UBXN2A: variants seen among roughly 807,000 people sequenced by gnomAD.
UBXN2A encodes the protein UBX domain protein 2A.
UBXN2A carries 28 observed loss-of-function variants against 28.4 expected under a neutral mutation model. The observed-to-expected ratio is 0.99, with a 90% confidence interval of 0.73 to 1.35. UBXN2A has a LOEUF of 1.35. UBXN2A is among the 40% of genes most tolerant of loss of function. The pLI is 0.00. For missense variants in UBXN2A, 253 were observed against 297.9 expected (o/e 0.85, Z 1.11); for synonymous variants, 97 against 103.6 (o/e 0.94, Z 0.39).
chr2:23,951,967 CT>C (rs901333812), intron 1 of UBXN2A, among the ~76,000 whole-genome samples: 1,836 of 132,300 alleles, frequency 0.014, 15 homozygotes, highest in African/African-American at 0.043. Flanking sequence ...AGTTTTTTTC[CT>C]TTTTTTTTTT....
intron 1 of UBXN2A, among the ~76,000 whole-genome samples, chr2:23,948,642 A>G (rs1208490985): frequency 2.0e-5 from 3 of 152,176 alleles, no homozygotes; most frequent in Non-Finnish European, 4.4e-5. Flanking sequence ...AGTCCTCAGA[A>G]CAACCTGAGG....
chr2:23,986,478 T>C (rs72781644), intron 6 of UBXN2A, among the ~76,000 whole-genome samples: 28,473 of 152,062 alleles, frequency 0.19, 2,775 homozygotes, highest in Middle Eastern at 0.26. Flanking sequence ...CATATCCTTC[T>C]GTCAATTATA....
chr2:23,941,319 C>T (rs1705746787), intron 1 of UBXN2A, among the ~76,000 whole-genome samples: 1 of 152,194 alleles, frequency 6.6e-6, no homozygotes, highest in Non-Finnish European at 1.5e-5. Context: ...TGGCCGGTTG[C>T]AGTTTGTTTT....
chr2:23,948,819 G>A (rs76636427), intron 1 of UBXN2A, among the ~76,000 whole-genome samples: 4,383 of 152,158 alleles, frequency 0.029, 90 homozygotes, highest in South Asian at 0.074. Context: ...CATAAAACAA[G>A]TAAAAGCAAT....
intron 6 of UBXN2A, among the ~76,000 whole-genome samples, chr2:23,994,526 C>A (rs1237001391): frequency 6.6e-5 from 10 of 152,082 alleles, no homozygotes; most frequent in Non-Finnish European, 1.0e-4. Context: ...TTCTATTTGA[C>A]CTGTCTTCGA....
At chr2:23,970,899 G>A (rs1366995466) in intron 2 of UBXN2A, among the ~76,000 whole-genome samples, 1 of 152,106 alleles carries the variant, frequency 6.6e-6, no homozygotes, top group Non-Finnish European at 1.5e-5. Context: ...AGCTCAGGTG[G>A]TAATGTGAGC....
chr2:23,984,021 G>A (rs1292873852), intron 5 of UBXN2A, among the ~76,000 whole-genome samples: 6 of 152,154 alleles, frequency 3.9e-5, no homozygotes, highest in Admixed American at 3.9e-4. Flanking sequence ...ATTTTGTTCT[G>A]TGATCTATGT....
At chr2:23,994,286 CTT>C (rs893210570) in intron 6 of UBXN2A, among the ~76,000 whole-genome samples, 2 of 152,066 alleles carry the variant, frequency 1.3e-5, no homozygotes, top group Non-Finnish European at 2.9e-5. Flanking sequence ...TGTTAGTTAT[CTT>C]TGCATTATAT....
chr2:23,951,453 T>G (rs1016737629), intron 1 of UBXN2A, among the ~76,000 whole-genome samples: 4 of 133,108 alleles, frequency 3.0e-5, no homozygotes, highest in African/African-American at 1.1e-4. Flanking sequence ...TATATATATA[T>G]ATATATATAT....
chr2:23,970,145 A>C (rs1285367098), intron 2 of UBXN2A, among the ~76,000 whole-genome samples: 1 of 151,880 alleles, frequency 6.6e-6, no homozygotes, highest in African/African-American at 2.4e-5. Context: ...TTAGCTGGAC[A>C]TGGTGGTTGG....
intron 1 of UBXN2A, among the ~76,000 whole-genome samples, chr2:23,940,857 G>A (rs549455118): frequency 1.4e-5 from 2 of 140,166 alleles, no homozygotes; most frequent in Non-Finnish European, 3.1e-5. Context: ...CCCAGCCCAG[G>A]TGAGCGGCGA....
rs1455513231 is a variant in UBXN2A at position 23,977,006 on chromosome 2, C to T, written c.218C>T (p.Thr73Ile). ...ATAAAATTATGGAAAAACGGATTCACCGTCAACGACGATTTCAGAAGTTAT... is the reference window on the plus strand; with the variant it reads ...ATAAAATTATGGAAAAACGGATTCATCGTCAACGACGATTTCAGAAGTTAT... ...VNIKLWKNGFTVNDDFRSYSD... is the reference protein window; with the variant it reads ...VNIKLWKNGFIVNDDFRSYSD... Residue 73 changes from threonine to isoleucine, a missense_variant, in exon 4 of 7, where the codon ACC becomes ATC. Coordinates refer to ENST00000309033, the MANE Select transcript of UBXN2A (RefSeq NM_181713.4). 1 of 1,612,536 alleles carries T rather than the reference C, an allele frequency of 6.2e-7. No homozygotes were observed.
chr2:23,976,835 C>A, intron 3 of UBXN2A, 134 bp from the exon 4 acceptor site: 1 of 609,732 alleles, frequency 1.6e-6, no homozygotes, highest in Non-Finnish European at 2.8e-6. Context: ...CCTGTCTTGG[C>A]CTCCCGAAGT....
intron 2 of UBXN2A, chr2:23,969,059 A>G (rs1476146229): frequency 1.3e-5 from 2 of 151,042 alleles, no homozygotes; most frequent in Non-Finnish European, 2.9e-5. Context: ...CGCCTAGCTA[A>G]TTTTTATATT....
intron 1 of UBXN2A, among the ~76,000 whole-genome samples, chr2:23,956,558 G>A (rs557962740): frequency 6.6e-6 from 1 of 152,030 alleles, no homozygotes; most frequent in African/African-American, 2.4e-5. Context: ...TCACCATGTT[G>A]GCCAGGCTGG....
chr2:23,955,210 C>T (rs1001123327), intron 1 of UBXN2A, among the ~76,000 whole-genome samples: 1 of 152,078 alleles, frequency 6.6e-6, no homozygotes, highest in Non-Finnish European at 1.5e-5. Context: ...GGATTACAGG[C>T]GTGAGCCATC....
At chr2:23,943,967 G>A (rs1475848993) in intron 1 of UBXN2A, 2 of 456,276 alleles carry the variant, frequency 4.4e-6, no homozygotes, top group Non-Finnish European at 8.6e-6. Context: ...AGATGGAATG[G>A]TTCTGGAATA....
intron 4 of UBXN2A, among the ~76,000 whole-genome samples, chr2:23,981,317 A>C (rs1311453493): frequency 2.9e-4 from 43 of 149,982 alleles, no homozygotes; most frequent in Non-Finnish European, 5.0e-4. Context: ...AAAAAAAAAA[A>C]AAAAACCTAA....
chr2:23,963,876 G>A (rs1013367455), intron 2 of UBXN2A, among the ~76,000 whole-genome samples: 4 of 152,128 alleles, frequency 2.6e-5, no homozygotes, highest in Non-Finnish European at 4.4e-5. Flanking sequence ...CATCTGTAAT[G>A]CCAACATTTT....
Sources: gnomAD v4.1 joint callset for allele counts (sites outside exome capture counted in the v4.1 genomes callset) on GRCh38, gnomAD v4.1.1 for gene constraint, MANE v1.5 for transcripts, NCBI Gene and HGNC (gene_info 2026-07-23, HGNC 2026-07-21) for gene names.